Variants in CLPB observed in about 807,000 individuals in gnomAD.
The protein encoded by CLPB is mitochondrial disaggregase.
CLPB carries 40 observed loss-of-function variants against 78.4 expected under a neutral mutation model. That is an observed-to-expected ratio of 0.51 (90% CI 0.40 to 0.66). CLPB has a LOEUF of 0.66. CLPB is among the 30% of genes least tolerant of loss of function. The pLI is 0.00. For missense variants in CLPB, 780 were observed against 886.9 expected (o/e 0.88, Z 1.53); for synonymous variants, 333 against 348.0 (o/e 0.96, Z 0.48).
chr11:72,331,747 T>C (rs148581904), intron 5 of CLPB, among the ~76,000 whole-genome samples: 5,663 of 151,744 alleles, frequency 0.037, 305 homozygotes, highest in African/African-American at 0.12. Context: ...CTAATTTTTG[T>C]ATTTTTAGTA....
At chr11:72,400,485 A>G (rs1855529968) in intron 3 of CLPB, among the ~76,000 whole-genome samples, 1 of 152,236 alleles carries the variant, frequency 6.6e-6, no homozygotes, top group Non-Finnish European at 1.5e-5. Flanking sequence ...CCCCAAAAGC[A>G]TATCTACTAG....
intron 3 of CLPB, among the ~76,000 whole-genome samples, chr11:72,388,725 C>T (rs1855158517): frequency 6.6e-6 from 1 of 152,200 alleles, no homozygotes; most frequent in Non-Finnish European, 1.5e-5. Flanking sequence ...TAACCAAGAG[C>T]TCCAAACGGG....
At chr11:72,406,539 G>A (rs895249271) in intron 2 of CLPB, among the ~76,000 whole-genome samples, 8 of 152,184 alleles carry the variant, frequency 5.3e-5, no homozygotes, top group African/African-American at 1.9e-4. Context: ...CAAGATCCCA[G>A]CCTTGGCATA....
chr11:72,333,094 T>C (rs1328490857), intron 5 of CLPB: 1 of 152,172 alleles, frequency 6.6e-6, no homozygotes, highest in Non-Finnish European at 1.5e-5. Context: ...AAAAGTGAAA[T>C]AACTAGCCCA....
At chr11:72,346,988 TAAAAAAA>T (rs60688188) in intron 5 of CLPB, among the ~76,000 whole-genome samples, 2 of 60,196 alleles carry the variant, frequency 3.3e-5, no homozygotes, top group African/African-American at 5.2e-5. Flanking sequence ...TCTCAAAAAT[TAAAAAAA>T]AAAAAAAAAA....
chr11:72,411,361 T>C (rs529388322), intron 2 of CLPB, among the ~76,000 whole-genome samples: 12 of 152,320 alleles, frequency 7.9e-5, no homozygotes, highest in African/African-American at 2.9e-4. Context: ...CATTTGTGGA[T>C]ACAGGCCTAG....
chr11:72,426,837 T>G (rs1028646279), intron 2 of CLPB, among the ~76,000 whole-genome samples: 3 of 152,154 alleles, frequency 2.0e-5, no homozygotes, highest in African/African-American at 7.2e-5. Flanking sequence ...GTGTGGCAAG[T>G]GGCATTCAGC....
chr11:72,317,326 C>T lies in CLPB; in HGVS notation c.874-106G>A, dbSNP rs1016662601. Reference sequence around the variant, plus strand: ...AACACAGGTCTGGGTATCCAGGGGTCCTGCTTCATAGCTGTGGTTCATGGT... The same window carrying T: ...AACACAGGTCTGGGTATCCAGGGGTTCTGCTTCATAGCTGTGGTTCATGGT... On this transcript the variant is annotated intron_variant, in intron 6 of 15. Transcript: ENST00000538039. 5 of 773,350 alleles carry T rather than the reference C, an allele frequency of 6.5e-6. No homozygotes were observed. The Admixed American group carries it at 1.2e-4, about 18-fold the overall frequency. 47.9% of individuals were successfully genotyped at this position (773,350 alleles called of 1,614,324 possible).
At chr11:72,411,647 C>A (rs1855878678) in intron 2 of CLPB, 1 of 151,870 alleles carries the variant, frequency 6.6e-6, no homozygotes, top group African/African-American at 2.4e-5. Context: ...GGGAAAGAGT[C>A]CCAGAAAGGG....
At chr11:72,341,411 A>G (rs1174581738) in intron 5 of CLPB, among the ~76,000 whole-genome samples, 1 of 152,184 alleles carries the variant, frequency 6.6e-6, no homozygotes. Context: ...TTGAAGCTTC[A>G]ATTGCAATCT....
chr11:72,291,388 A>G lies in CLPB; in HGVS notation c.*1979T>C, dbSNP rs1590748510. The G allele has an allele frequency of 6.6e-6, 1 of 152,170 alleles. No individual in the cohort carries two copies. Among genetic ancestry groups the G allele is most frequent in the East Asian group, 1.9e-4 (1 of 5,130 alleles). The allele number at this position is 152,170 out of a possible 1,614,324, so 9.4% of individuals were successfully genotyped here. On this transcript the variant is annotated 3_prime_UTR_variant, in exon 16 of 16. Coordinates refer to ENST00000538039, the MANE Select transcript of CLPB (RefSeq NM_001258392.3). ...AGTGGCGTGATTTCAGCTCACTGCAACCTCCGCCTCCTGGGCTCAAGTGAT... is the reference window on the plus strand; with the variant it reads ...AGTGGCGTGATTTCAGCTCACTGCAGCCTCCGCCTCCTGGGCTCAAGTGAT...
Position 72,289,308 on chromosome 11 carries a change from A to G in CLPB, c.*4059T>C, listed in dbSNP as rs965494453. ...TAAAAGTTATCTGATTTTAAGTTAT[A>G]TGCCTAGTATTCCTGGCCACAGTTA... is the stretch of plus-strand genomic sequence containing the variant. On this transcript the variant is annotated 3_prime_UTR_variant, in exon 16 of 16. Transcript: ENST00000538039. 1 of 152,092 alleles carries G rather than the reference A, an allele frequency of 6.6e-6. No individual in the cohort carries two copies. Among genetic ancestry groups the G allele is most frequent in the Non-Finnish European group, 1.5e-5 (1 of 68,028 alleles). The allele number at this position is 152,092 out of a possible 1,614,324, so 9.4% of individuals were successfully genotyped here. A position where few individuals can be genotyped will look rare whatever the true frequency, so the allele number is the denominator to read the frequency against.
At chr11:72,308,222 C>T (rs1406882993) in intron 8 of CLPB, among the ~76,000 whole-genome samples, 1 of 152,224 alleles carries the variant, frequency 6.6e-6, no homozygotes, top group Non-Finnish European at 1.5e-5. Flanking sequence ...GAAGGGGAGG[C>T]TCTGCGCATG....
Position 72,287,816 on chromosome 11 carries a change from TCTC to T in CLPB, c.*5548_*5550del, listed in dbSNP as rs893688876. 2.6e-5 allele frequency: 4 copies of T among 152,306 alleles called. No homozygotes were observed. Among genetic ancestry groups the T allele is most frequent in the African/African-American group, 7.2e-5 (3 of 41,548 alleles). The allele number at this position is 152,306 out of a possible 1,614,324, so 9.4% of individuals were successfully genotyped here. A position where few individuals can be genotyped will look rare whatever the true frequency, so the allele number is the denominator to read the frequency against. The stretch of plus-strand genomic sequence containing the variant: ...TGTTGCCATAGAGTTCTATTCTTCT[TCTC>T]AATTCCTCAATATATATGGTTATGT... On this transcript the variant is annotated 3_prime_UTR_variant, in exon 16 of 16. Transcript: ENST00000538039.
rs980515720 is a variant in CLPB at position 72,322,694 on chromosome 11, A to G, written c.874-5474T>C. On this transcript the variant is annotated intron_variant, in intron 6 of 15. Coordinates refer to ENST00000538039, the MANE Select transcript of CLPB (RefSeq NM_001258392.3). ...GAGACGTGTGATGTTGATTTATCTC[A>G]TAACTGGTAGTCTTAACTTCGATCA... Among the ~76,000 whole-genome samples the G allele has an allele frequency of 1.6e-4, 25 of 152,202 alleles. 1 individual carries two copies. The highest frequency in any genetic ancestry group is 5.8e-4 in the African/African-American group (24 of 41,450).
chr11:72,371,759 A>G (rs1444740471), intron 4 of CLPB, among the ~76,000 whole-genome samples: 2 of 152,076 alleles, frequency 1.3e-5, no homozygotes, highest in South Asian at 2.1e-4. Context: ...CTCTACTCAC[A>G]TTCAATTGCA....
chr11:72,346,645 CAACATAACTA>C (rs1414545617), intron 5 of CLPB, among the ~76,000 whole-genome samples: 28 of 151,156 alleles, frequency 1.9e-4, no homozygotes, highest in African/African-American at 6.8e-4. Flanking sequence ...ATGATAGCCC[CAACATAACTA>C]AGCCTATAAT....
intron 3 of CLPB, among the ~76,000 whole-genome samples, chr11:72,383,339 A>G (rs567275462): frequency 1.3e-5 from 2 of 152,110 alleles, no homozygotes; most frequent in East Asian, 3.9e-4. Context: ...CCTGGCTAAC[A>G]CGGTGAAACC....
intron 3 of CLPB, among the ~76,000 whole-genome samples, chr11:72,398,795 G>A (rs781554312): frequency 2.0e-5 from 3 of 152,176 alleles, no homozygotes; most frequent in Non-Finnish European, 2.9e-5. Flanking sequence ...ACTGTTCCTT[G>A]AGTCAATACT....
Sources: allele counts gnomAD v4.1 joint callset (sites outside exome capture counted in the v4.1 genomes callset), GRCh38; gene constraint gnomAD v4.1.1; transcripts MANE v1.5; gene names NCBI Gene and HGNC (gene_info 2026-07-23, HGNC 2026-07-21).